Variants in SUZ12 observed in about 807,000 individuals in gnomAD.
The protein encoded by SUZ12 is SUZ12 polycomb repressive complex 2 subunit, also known as polycomb protein SUZ12.
A neutral mutation model predicts 87.3 loss-of-function variants in SUZ12; 17 were observed. The ratio of observed to expected loss-of-function variants is 0.19; its 90% confidence interval spans 0.13 to 0.29. The LOEUF (loss-of-function observed/expected upper bound fraction) is 0.29, where lower values mean the gene tolerates loss of function less well. Ranked by LOEUF, SUZ12 falls within the 10% of genes least tolerant of loss-of-function variation. The pLI is 1.00. For missense variants in SUZ12, 526 were observed against 912.2 expected, an observed-to-expected ratio of 0.58 and a Z score of 5.45; for synonymous variants, 253 against 312.4, an observed-to-expected ratio of 0.81 and a Z score of 2.01.
intron 10 of SUZ12, among the ~76,000 whole-genome samples, chr17:31,990,449 C>T (rs1909664247): frequency 6.6e-6 from 1 of 151,806 alleles, no homozygotes; most frequent in East Asian, 1.9e-4. Context: ...GCACAACCTC[C>T]GCCTCCCGGT....
At chr17:31,948,823 C>G (rs189873974) in intron 4 of SUZ12, among the ~76,000 whole-genome samples, 203 of 152,258 alleles carry the variant, frequency 1.3e-3, no homozygotes, top group African/African-American at 4.8e-3. Context: ...CCTGTTATAT[C>G]TGTTAATGCC....
At chr17:31,954,169 TCTC>T (rs1405947996) in intron 4 of SUZ12, among the ~76,000 whole-genome samples, 4 of 151,964 alleles carry the variant, frequency 2.6e-5, no homozygotes, top group Admixed American at 2.0e-4. Flanking sequence ...TTCAAGCTAT[TCTC>T]CTGCCTCAGC....
chr17:31,958,242 C>T (rs1435509019), intron 4 of SUZ12, among the ~76,000 whole-genome samples: 1 of 151,998 alleles, frequency 6.6e-6, no homozygotes. Flanking sequence ...CACCGTTTTG[C>T]CCAGTGTGAC....
intron 4 of SUZ12, among the ~76,000 whole-genome samples, chr17:31,959,747 TA>T (rs1280422971): frequency 6.6e-6 from 1 of 152,206 alleles, no homozygotes; most frequent in Non-Finnish European, 1.5e-5. Flanking sequence ...TGGCTGTTCT[TA>T]AAATGGGAGG....
At chr17:31,943,590 C>T (rs1365776975) in intron 3 of SUZ12, among the ~76,000 whole-genome samples, 1 of 152,154 alleles carries the variant, frequency 6.6e-6, no homozygotes, top group African/African-American at 2.4e-5. Context: ...TTCTTACCTT[C>T]CGGGCTGTAC....
chr17:31,963,590 G>A (rs1318898156), intron 4 of SUZ12, among the ~76,000 whole-genome samples: 1 of 151,322 alleles, frequency 6.6e-6, no homozygotes, highest in Non-Finnish European at 1.5e-5. Context: ...TCCGCCCTCC[G>A]AGTTCAAGTG....
At chr17:31,942,931 A>G (rs1906393868) in intron 3 of SUZ12, among the ~76,000 whole-genome samples, 2 of 152,200 alleles carry the variant, frequency 1.3e-5, no homozygotes, top group South Asian at 2.1e-4. Flanking sequence ...AAAACCATCA[A>G]GTTATCTCGA....
chr17:31,997,325 C>T (rs960342993), intron 15 of SUZ12, among the ~76,000 whole-genome samples: 1 of 152,132 alleles, frequency 6.6e-6, no homozygotes, highest in Non-Finnish European at 1.5e-5. Flanking sequence ...TAGTGTTTCT[C>T]CCATGCTTGC....
chr17:31,953,328 C>T (rs1169097346), intron 4 of SUZ12, among the ~76,000 whole-genome samples: 2 of 152,072 alleles, frequency 1.3e-5, no homozygotes, highest in African/African-American at 4.8e-5. Context: ...CCAGGCTGGT[C>T]TCAAACTCCT....
intron 8 of SUZ12, 102 bp downstream of exon 8, chr17:31,976,716 T>A (rs539898634): frequency 1.2e-6 from 1 of 863,086 alleles, no homozygotes; most frequent in South Asian, 2.4e-5. Context: ...TGCCTTTGTT[T>A]CTTTTTATTC....
chr17:31,989,366 T>C (rs561341), intron 10 of SUZ12, among the ~76,000 whole-genome samples: 1 of 152,012 alleles, frequency 6.6e-6, no homozygotes, highest in Non-Finnish European at 1.5e-5. Flanking sequence ...TTGTGCCAAG[T>C]GTGCCTAGAA....
intron 3 of SUZ12, among the ~76,000 whole-genome samples, chr17:31,941,651 G>A (rs1203831208): frequency 6.6e-6 from 1 of 151,566 alleles, no homozygotes; most frequent in East Asian, 1.9e-4. Context: ...CCAGATTCAA[G>A]AGATTCTCCT....
intron 4 of SUZ12, among the ~76,000 whole-genome samples, chr17:31,954,194 T>C (rs1367213989): frequency 1.3e-5 from 2 of 151,904 alleles, no homozygotes; most frequent in African/African-American, 4.8e-5. Flanking sequence ...TCCTGAGTAG[T>C]TGGGATTACA....
At position 32,000,913 on chromosome 17, in the gene SUZ12, G is replaced by T. The variant is rs1451824964; in HGVS notation, c.*1910G>T. The T allele has an allele frequency of 9.0e-6, 2 of 222,244 alleles. No individual in the cohort carries two copies. The highest frequency in any genetic ancestry group is 1.8e-5 in the Non-Finnish European group (2 of 111,172). The allele number at this position is 222,244 out of a possible 1,614,324, so 13.8% of individuals were successfully genotyped here. On this transcript the variant is annotated 3_prime_UTR_variant, in exon 16 of 16. Transcript: ENST00000322652. ...AGATTTTGAAGAAATCCTGTAAGAT[G>T]ATAAAGCATTTGAATGGTACAGTAG...
chr17:31,944,146 G>C (rs1906472801), intron 3 of SUZ12, among the ~76,000 whole-genome samples: 2 of 150,234 alleles, frequency 1.3e-5, no homozygotes, highest in African/African-American at 4.9e-5. Context: ...ATTTTTTTTT[G>C]AGATGGAGTT....
intron 6 of SUZ12, among the ~76,000 whole-genome samples, 163 bp downstream of exon 6, chr17:31,973,394 C>T (rs1038656564): frequency 6.6e-6 from 1 of 152,228 alleles, no homozygotes; most frequent in African/African-American, 2.4e-5. Flanking sequence ...TTTGCCAACT[C>T]GCATATCTGT....
chr17:31,956,943 T>C (rs1223319693), intron 4 of SUZ12, among the ~76,000 whole-genome samples: 2 of 152,056 alleles, frequency 1.3e-5, no homozygotes, highest in Non-Finnish European at 2.9e-5. Flanking sequence ...GCCCAGCTAA[T>C]GTTTGTATTT....
chr17:31,947,574 T>C (rs2627070), intron 3 of SUZ12, 43 bp from the exon 4 acceptor site: 1 of 1,583,592 alleles, frequency 6.3e-7, no homozygotes, highest in South Asian at 1.1e-5. Flanking sequence ...TGTTTCTTTT[T>C]CCCAGTTGAG....
intron 10 of SUZ12, among the ~76,000 whole-genome samples, chr17:31,989,410 T>C (rs1365127472): frequency 1.3e-5 from 2 of 152,140 alleles, no homozygotes; most frequent in African/African-American, 2.4e-5. Flanking sequence ...AAGCGTGATA[T>C]GGTACATAGT....
Sources: gnomAD v4.1 joint callset for allele counts (sites outside exome capture counted in the v4.1 genomes callset) on GRCh38, gnomAD v4.1.1 for gene constraint, MANE v1.5 for transcripts, NCBI Gene and HGNC (gene_info 2026-07-23, HGNC 2026-07-21) for gene names.